ZNF91: variants seen among roughly 807,000 people sequenced by gnomAD.
ZNF91 encodes the protein zinc finger protein 91.
In ZNF91, 7 loss-of-function variants were observed where a neutral mutation model predicts 12.6. The ratio of observed to expected loss-of-function variants is 0.55; its 90% CI spans 0.31 to 1.04. ZNF91 has a LOEUF of 1.04. Among genes scored for constraint, ZNF91 ranks in the 50% least tolerant of loss-of-function variants. The probability of loss-of-function intolerance (pLI) is 0.05; values close to 1 mark genes in which losing one functional copy is unlikely to be tolerated. For missense variants in ZNF91, 1,217 were observed against 1,385.4 expected (o/e 0.88, Z 1.93); for synonymous variants, 453 against 462.6 (o/e 0.98, Z 0.27).
intron 3 of ZNF91, among the ~76,000 whole-genome samples, chr19:23,369,078 G>A (rs143065562): frequency 0.024 from 3,683 of 152,136 alleles, 107 homozygotes; most frequent in Non-Finnish European, 0.032. Context: ...TTGGGAGGCC[G>A]TGGCAGGCAG....
At chr19:23,345,943 C>T (rs931114692) in intron 3 of ZNF91, among the ~76,000 whole-genome samples, 8 of 152,098 alleles carry the variant, frequency 5.3e-5, no homozygotes, top group African/African-American at 1.9e-4. Flanking sequence ...ACCCCCCTCC[C>T]CTGTTCAAAC....
At chr19:23,368,138 G>A (rs182633593) in intron 3 of ZNF91, among the ~76,000 whole-genome samples, 11 of 152,104 alleles carry the variant, frequency 7.2e-5, no homozygotes, top group Admixed American at 2.0e-4. Context: ...TCGAAATCTT[G>A]ACCTCGTGAT....
In ZNF91 at chr19:23,359,016, A is replaced by C. The variant is rs1016234901; in HGVS notation, c.*387T>G. On this transcript the variant is annotated 3_prime_UTR_variant, in exon 4 of 4. Transcript: ENST00000300619. Reference sequence around the variant, plus strand: ...GTGAAAACTGGTTAAAGGCTTTGCCAAATTTTTCCTGTTTGTAGGGTTGCT... The same window carrying C: ...GTGAAAACTGGTTAAAGGCTTTGCCCAATTTTTCCTGTTTGTAGGGTTGCT... The C allele has an allele frequency of 5.9e-6, 3 of 509,108 alleles. No homozygotes were observed. Among genetic ancestry groups the C allele is most frequent in the Non-Finnish European group, 1.2e-5 (3 of 260,732 alleles). The allele number at this position is 509,108 out of a possible 1,614,324, so 31.5% of individuals were successfully genotyped here.
At chr19:23,316,800 G>A (rs967452331) in intron 1 of ZNF91, among the ~76,000 whole-genome samples, 1 of 152,162 alleles carries the variant, frequency 6.6e-6, no homozygotes, top group African/African-American at 2.4e-5. Flanking sequence ...CATACATGGT[G>A]TAAATCCCTA....
rs1970191034 is a variant in ZNF91 at position 23,395,187 on chromosome 19, G to A, written c.30+138C>T. 1.1e-5 allele frequency: 12 copies of A among 1,080,940 alleles called. No individual in the cohort carries two copies. The South Asian group carries it at 1.6e-4, about 14-fold the overall frequency. The allele number at this position is 1,080,940 out of a possible 1,614,324, so 67.0% of individuals were successfully genotyped here. A position where few individuals can be genotyped will look rare whatever the true frequency, so the allele number is the denominator to read the frequency against. On this transcript the variant is annotated intron_variant, in intron 1 of 3. Transcript: ENST00000300619. ...CCATCTTATCGCTGAAGGGGACTGAGGCCGAGCTGGGCAAGGAGAACCCGG... is the reference window on the plus strand; with the variant it reads ...CCATCTTATCGCTGAAGGGGACTGAAGCCGAGCTGGGCAAGGAGAACCCGG...
At chr19:23,365,993 C>T (rs1020904505) in intron 3 of ZNF91, among the ~76,000 whole-genome samples, 1 of 152,224 alleles carries the variant, frequency 6.6e-6, no homozygotes. Flanking sequence ...AGCAACCATC[C>T]GATTTCTCAA....
chr19:23,319,661 G>A (rs1232871725), intron 1 of ZNF91, among the ~76,000 whole-genome samples: 1 of 152,198 alleles, frequency 6.6e-6, no homozygotes, highest in African/African-American at 2.4e-5. Context: ...ACTGGACCCC[G>A]CGACAAGGTG....
At chr19:23,314,156 G>A (rs1273649744), upstream of ZNF91, among the ~76,000 whole-genome samples, 2 of 152,112 alleles carry the variant, frequency 1.3e-5, no homozygotes, top group African/African-American at 2.4e-5. Flanking sequence ...TGCATCTTGT[G>A]ACATATTCCT....
At position 23,358,039 on chromosome 19, in the gene ZNF91, C is replaced by T. The variant is rs968250627; in HGVS notation, c.*1364G>A. ...CTTAATGGCAATTAAAACTCACTGGCAAAAAAAATCACTAGAGATGTCAGT... is the reference window on the plus strand; with the variant it reads ...CTTAATGGCAATTAAAACTCACTGGTAAAAAAAATCACTAGAGATGTCAGT... On this transcript the variant is annotated 3_prime_UTR_variant, in exon 4 of 4. Coordinates refer to ENST00000300619, the MANE Select transcript of ZNF91 (RefSeq NM_003430.4). 7.9e-5 allele frequency: 12 copies of T among 151,504 alleles called. No individual in the cohort carries two copies. The highest frequency in any genetic ancestry group is 2.9e-4 in the African/African-American group (12 of 41,246). The allele number at this position is 151,504 out of a possible 1,614,324, so 9.4% of individuals were successfully genotyped here. A position where few individuals can be genotyped will look rare whatever the true frequency, so the allele number is the denominator to read the frequency against.
chr19:23,361,361 G>A lies in ZNF91; in HGVS notation c.1618C>T (p.His540Tyr), dbSNP rs762654912. 6.2e-7 allele frequency: 1 copy of A among 1,606,456 alleles called. No individual in the cohort carries two copies. The highest frequency in any genetic ancestry group is 8.5e-7 in the Non-Finnish European group (1 of 1,176,942). Residue 540 changes from histidine to tyrosine, a missense_variant, in exon 4 of 4, where the codon CAT becomes TAT. His to Tyr is a moderately conservative substitution (Grantham distance 83). Around this residue, in one of 2 missense-constraint regions of ZNF91, gnomAD observed 726 missense variants for 895.5 expected, o/e 0.81. Transcript: ENST00000300619. ...SLTLNKHKII[H>Y]SREKPYKCKE... ...CATTTGTAGGGTTTCTCTCTACTAT[G>A]AATTATCTTATGTTTATTAAGGGTT...
intron 1 of ZNF91, among the ~76,000 whole-genome samples, chr19:23,375,288 T>A (rs1969466080): frequency 6.6e-6 from 1 of 151,976 alleles, no homozygotes; most frequent in Non-Finnish European, 1.5e-5. Context: ...GCCTCCCGAG[T>A]AGCAGGGACT....
intron 3 of ZNF91, among the ~76,000 whole-genome samples, chr19:23,347,381 C>T (rs919562590): frequency 2.6e-5 from 4 of 152,146 alleles, no homozygotes; most frequent in African/African-American, 9.7e-5. Context: ...AGAAAGCTAC[C>T]GTCATTCATT....
chr19:23,332,535 G>C (rs546971776), intron 1 of ZNF91, among the ~76,000 whole-genome samples: 1 of 152,076 alleles, frequency 6.6e-6, no homozygotes, highest in East Asian at 1.9e-4. Flanking sequence ...ATAGAGACAC[G>C]ATTCGTTCAC....
chr19:23,361,126 C>T lies in ZNF91; in HGVS notation c.1853G>A (p.Arg618Lys). ...GKAFLWSSTL[R>K]RHKRIHTGEK... Reference sequence around the variant, plus strand: ...TCCAGTGTGTATCCTCTTATGTCTTCTTAGGGTTGAGGACCATAGAAATGC... The same window carrying T: ...TCCAGTGTGTATCCTCTTATGTCTTTTTAGGGTTGAGGACCATAGAAATGC... The change falls in exon 4 of 4, where the codon AGA (arginine) becomes AAA (lysine). Residue 618 changes from arginine to lysine, a missense_variant. Around this residue, in one of 2 missense-constraint regions of ZNF91, gnomAD observed 726 missense variants for 895.5 expected, o/e 0.81. Transcript: ENST00000300619. The T allele has an allele frequency of 1.2e-6, 2 of 1,604,796 alleles. No homozygotes were observed. The highest frequency in any genetic ancestry group is 1.7e-6 in the Non-Finnish European group (2 of 1,176,132).
chr19:23,338,340 CAGA>C (rs1430248148), downstream of ZNF91: 1 of 151,146 alleles, frequency 6.6e-6, no homozygotes, highest in East Asian at 1.9e-4. Context: ...CTTTACTGAC[CAGA>C]AGAGAATGGG....
chr19:23,333,599 C>T (rs1026238205), intron 1 of ZNF91, among the ~76,000 whole-genome samples: 6 of 152,096 alleles, frequency 3.9e-5, no homozygotes, highest in African/African-American at 1.2e-4. Flanking sequence ...GGTGCCTGAA[C>T]AAGTTATGAA....
At chr19:23,366,802 C>A (rs1969031762) in intron 3 of ZNF91, among the ~76,000 whole-genome samples, 1 of 152,214 alleles carries the variant, frequency 6.6e-6, no homozygotes, top group African/African-American at 2.4e-5. Flanking sequence ...CCAAACACCT[C>A]CTACCAGGTC....
At chr19:23,354,682 T>C (rs895106356), downstream of ZNF91, among the ~76,000 whole-genome samples, 1 of 152,058 alleles carries the variant, frequency 6.6e-6, no homozygotes, top group Non-Finnish European at 1.5e-5. Flanking sequence ...AGTCATACTG[T>C]CCGCTTGCTG....
intron 1 of ZNF91, chr19:23,385,053 C>G: frequency 8.6e-7 from 1 of 1,161,094 alleles, no homozygotes. Context: ...GGGGCTCCAG[C>G]GGTTCCGCAT....
Sources: allele counts gnomAD v4.1 joint callset (sites outside exome capture counted in the v4.1 genomes callset), GRCh38; gene constraint gnomAD v4.1.1; regional missense constraint gnomAD v4.1.1; transcripts MANE v1.5; gene names NCBI Gene and HGNC (gene_info 2026-07-23, HGNC 2026-07-21).